Variants in FOXP2 observed in about 807,000 individuals in gnomAD.
The protein encoded by FOXP2 is forkhead box protein P2.
Under a neutral mutation model 115.8 loss-of-function variants are expected in FOXP2, and 12 were observed. That is an observed-to-expected ratio of 0.10 (90% CI 0.07 to 0.17). The LOEUF (loss-of-function observed/expected upper bound fraction) is 0.17, where lower values mean the gene tolerates loss of function less well. FOXP2 is among the 10% of genes least tolerant of loss of function. FOXP2 has a pLI of 1.00. For missense variants in FOXP2, 629 were observed against 843.5 expected (o/e 0.75, Z 3.15); for synonymous variants, 328 against 297.7 (o/e 1.10, Z -1.05).
chr7:114,332,059 A>G, intron 2 of FOXP2, among the ~76,000 whole-genome samples: 1 of 152,016 alleles, frequency 6.6e-6, no homozygotes. Flanking sequence ...GATTAGTCCA[A>G]GTGAACCCCA....
intron 7 of FOXP2, 56 bp downstream of exon 7, chr7:114,642,679 A>G (rs1034179314): frequency 7.3e-6 from 11 of 1,505,046 alleles, no homozygotes; most frequent in South Asian, 1.1e-5. Context: ...TATTTTCACC[A>G]TTGAGACAAT....
chr7:114,309,705 G>T (rs1027047278), intron 2 of FOXP2, among the ~76,000 whole-genome samples: 1 of 152,010 alleles, frequency 6.6e-6, no homozygotes, highest in East Asian at 1.9e-4. Flanking sequence ...TTACTTTGTT[G>T]CCCAGGCTAG....
At chr7:114,478,397 A>G (rs1009315281) in intron 2 of FOXP2, among the ~76,000 whole-genome samples, 2 of 151,902 alleles carry the variant, frequency 1.3e-5, no homozygotes, top group Non-Finnish European at 2.9e-5. Flanking sequence ...GAATTTAAAC[A>G]AAGTTATGAA....
chr7:114,252,646 T>C (rs1395618618), intron 1 of FOXP2, among the ~76,000 whole-genome samples: 1 of 152,216 alleles, frequency 6.6e-6, no homozygotes, highest in East Asian at 1.9e-4. Flanking sequence ...ATATCCCCTT[T>C]ATCATTTTTT....
intron 2 of FOXP2, among the ~76,000 whole-genome samples, chr7:114,360,763 A>G (rs1791727005): frequency 6.6e-6 from 1 of 152,218 alleles, no homozygotes; most frequent in African/African-American, 2.4e-5. Context: ...AGTCTATAAG[A>G]TAAGTTGTAA....
chr7:114,097,141 A>T (rs1799670375), intron 1 of FOXP2, among the ~76,000 whole-genome samples: 1 of 152,182 alleles, frequency 6.6e-6, no homozygotes, highest in Non-Finnish European at 1.5e-5. Flanking sequence ...TTAATTAAAG[A>T]TTATTTCCAT....
intron 1 of FOXP2, among the ~76,000 whole-genome samples, chr7:114,156,162 C>G (rs1792662367): frequency 6.6e-6 from 1 of 152,148 alleles, no homozygotes; most frequent in Non-Finnish European, 1.5e-5. Context: ...AGCTGCTGAT[C>G]ACCAGTTTTA....
chr7:114,473,525 C>T (rs1796134856), intron 2 of FOXP2, among the ~76,000 whole-genome samples: 1 of 152,128 alleles, frequency 6.6e-6, no homozygotes. Flanking sequence ...TTAAACTTTA[C>T]TTCTTCTAGA....
chr7:114,263,731 T>C (rs984845187), intron 1 of FOXP2, among the ~76,000 whole-genome samples: 3 of 151,078 alleles, frequency 2.0e-5, no homozygotes, highest in African/African-American at 2.4e-5. Context: ...TTTAAAATGC[T>C]TGTGTTTTCT....
chr7:114,211,811 G>T (rs914828822), intron 1 of FOXP2, among the ~76,000 whole-genome samples: 3 of 152,096 alleles, frequency 2.0e-5, no homozygotes, highest in African/African-American at 7.2e-5. Flanking sequence ...GATGGCTCAC[G>T]CCTGTAATCC....
At chr7:114,477,495 G>A (rs1796330684) in intron 2 of FOXP2, among the ~76,000 whole-genome samples, 2 of 151,962 alleles carry the variant, frequency 1.3e-5, no homozygotes. Flanking sequence ...CTACTAGAGC[G>A]AGAAGGGAGG....
chr7:114,594,193 A>G (rs551989709), intron 3 of FOXP2, among the ~76,000 whole-genome samples: 28 of 152,210 alleles, frequency 1.8e-4, no homozygotes, highest in African/African-American at 5.8e-4. Flanking sequence ...TAATTTCTAC[A>G]TAATTCCTTC....
intron 3 of FOXP2, among the ~76,000 whole-genome samples, chr7:114,593,592 T>C (rs1162637122): frequency 3.3e-5 from 5 of 152,076 alleles, no homozygotes; most frequent in Non-Finnish European, 7.4e-5. Context: ...ACACTATTTG[T>C]ATGTCTCTAT....
chr7:114,288,614 C>G (rs557752456), intron 2 of FOXP2, among the ~76,000 whole-genome samples: 11 of 151,628 alleles, frequency 7.3e-5, no homozygotes, highest in Non-Finnish European at 1.5e-4. Flanking sequence ...GAGATCCAGT[C>G]AGCTATTTTG....
intron 1 of FOXP2, among the ~76,000 whole-genome samples, chr7:114,099,158 A>G (rs1799717575): frequency 1.3e-5 from 2 of 152,152 alleles, no homozygotes; most frequent in South Asian, 2.1e-4. Context: ...ACAAACAGAA[A>G]AAAAGCACTC....
chr7:114,167,450 A>T (rs1158347114), intron 1 of FOXP2, among the ~76,000 whole-genome samples: 1 of 152,118 alleles, frequency 6.6e-6, no homozygotes, highest in Non-Finnish European at 1.5e-5. Context: ...GGCAACCCTG[A>T]GTTGAGCAAG....
chr7:114,425,075 T>C (rs1793783387), intron 1 of FOXP2, among the ~76,000 whole-genome samples: 2 of 151,574 alleles, frequency 1.3e-5, no homozygotes, highest in Admixed American at 6.6e-5. Context: ...ATTCTTTTTG[T>C]ATTTAGTGTT....
At chr7:114,435,536 TTTG>T (rs763803224) in intron 2 of FOXP2, among the ~76,000 whole-genome samples, 5 of 151,938 alleles carry the variant, frequency 3.3e-5, no homozygotes, top group African/African-American at 7.3e-5. Context: ...CAGAAGTTAG[TTTG>T]TTGTTTGTTT....
At chr7:114,134,521 G>A (rs921495692) in intron 1 of FOXP2, among the ~76,000 whole-genome samples, 3 of 151,708 alleles carry the variant, frequency 2.0e-5, no homozygotes, top group African/African-American at 4.8e-5. Context: ...AGACCATCCC[G>A]GCTAAAACGG....
Sources: gnomAD v4.1 joint callset for allele counts (sites outside exome capture counted in the v4.1 genomes callset) on GRCh38, gnomAD v4.1.1 for gene constraint, MANE v1.5 for transcripts, NCBI Gene and HGNC (gene_info 2026-07-23, HGNC 2026-07-21) for gene names.